Variants in GPR141 observed in about 807,000 individuals in gnomAD.
GPR141 encodes probable G protein-coupled receptor 141.
In GPR141, 6 loss-of-function variants were observed where a neutral mutation model predicts 6.8. The observed-to-expected ratio is 0.88, with a 90% CI of 0.48 to 1.74. The LOEUF (loss-of-function observed/expected upper bound fraction) is 1.74. Among genes scored for constraint, GPR141 ranks in the 40% most tolerant of loss-of-function variants. The pLI is 0.01. For missense variants in GPR141, 372 were observed against 372.9 expected, an observed-to-expected ratio of 1.00 and a Z score of 0.02; for synonymous variants, 140 against 142.3, an observed-to-expected ratio of 0.98 and a Z score of 0.11.
At chr7:37,734,722 C>T (rs1812149043) in intron 2 of GPR141, among the ~76,000 whole-genome samples, 1 of 152,080 alleles carries the variant, frequency 6.6e-6, no homozygotes, top group Non-Finnish European at 1.5e-5. Context: ...GTAGATCTTA[C>T]CTAGTATGGG....
Position 37,685,674 on chromosome 7 carries a change from C to G in GPR141, c.-15+91C>G, listed in dbSNP as rs367857785. The G allele has an allele frequency of 2.6e-5, 4 of 151,498 alleles. No individual in the cohort carries two copies. The East Asian group carries it at 7.7e-4, about 29-fold the overall frequency. 9.4% of individuals were successfully genotyped at this position (151,498 alleles called of 1,614,324 possible). The stretch of plus-strand genomic sequence containing the variant: ...ATGTTGCCCAGGTTAGTCTCAAACT[C>G]CTGGGCACAAGTGATCCTCCTGCCT... On this transcript the variant is annotated intron_variant, in intron 2 of 2. Coordinates refer to ENST00000334425, the MANE Select transcript of GPR141 (RefSeq NM_001381946.1).
At chr7:37,713,332 A>C (rs1192406878) in intron 2 of GPR141, 1 of 152,108 alleles carries the variant, frequency 6.6e-6, no homozygotes, top group Non-Finnish European at 1.5e-5. Flanking sequence ...GTTATTTTTT[A>C]TTTTCTTAGA....
At position 37,740,739 on chromosome 7, in the gene GPR141, ATCT is replaced by A. The variant is rs747035430; in HGVS notation, c.352_354del (p.Phe118del). On this transcript the variant is annotated inframe_deletion, in exon 3 of 3. Coordinates refer to ENST00000334425, the MANE Select transcript of GPR141 (RefSeq NM_001381946.1). ...GGTGATCCTGGTCACCAGATACCTC[ATCT>A]TCTTCAAGTGCAAAGACAAAGTGGA... 29 of 1,613,984 alleles carry A rather than the reference ATCT, an allele frequency of 1.8e-5. No individual in the cohort carries two copies. The highest frequency in any genetic ancestry group is 2.4e-5 in the Non-Finnish European group (28 of 1,180,004).
intron 2 of GPR141, among the ~76,000 whole-genome samples, chr7:37,705,734 G>C (rs2131771305): frequency 6.6e-6 from 1 of 152,238 alleles, no homozygotes; most frequent in South Asian, 2.1e-4. Context: ...AAAATATTTG[G>C]AGAGCAATAA....
intron 2 of GPR141, chr7:37,713,564 C>A (rs1810909901): frequency 6.6e-6 from 1 of 152,186 alleles, no homozygotes; most frequent in African/African-American, 2.4e-5. Flanking sequence ...TGTATAGATT[C>A]TTCTAATTCT....
chr7:37,723,440 G>A (rs768217631), intron 2 of GPR141, among the ~76,000 whole-genome samples: 10 of 152,002 alleles, frequency 6.6e-5, no homozygotes, highest in Admixed American at 2.0e-4. Context: ...TGAATGGCAC[G>A]GAAGATGAGC....
intron 2 of GPR141, among the ~76,000 whole-genome samples, chr7:37,707,256 C>T (rs886715094): frequency 6.6e-6 from 1 of 152,118 alleles, no homozygotes; most frequent in African/African-American, 2.4e-5. Context: ...TAGTTTGTAC[C>T]TTACAAGTAG....
chr7:37,722,550 C>T (rs945553508), intron 2 of GPR141, among the ~76,000 whole-genome samples: 3 of 151,726 alleles, frequency 2.0e-5, no homozygotes, highest in Non-Finnish European at 2.9e-5. Flanking sequence ...GGTGAAACCC[C>T]GTCTCTACTA....
chr7:37,686,949 A>G (rs1809539694), intron 2 of GPR141, among the ~76,000 whole-genome samples: 1 of 152,176 alleles, frequency 6.6e-6, no homozygotes, highest in Non-Finnish European at 1.5e-5. Flanking sequence ...AAGCATTGCC[A>G]TCAGCATCTG....
chr7:37,724,924 AG>A (rs1466845045), intron 2 of GPR141, among the ~76,000 whole-genome samples: 1 of 152,146 alleles, frequency 6.6e-6, no homozygotes, highest in East Asian at 1.9e-4. Flanking sequence ...GCTGTGTCAC[AG>A]GAATAGTCCC....
chr7:37,713,899 A>G (rs1056909877), intron 2 of GPR141, among the ~76,000 whole-genome samples: 5 of 152,224 alleles, frequency 3.3e-5, no homozygotes, highest in African/African-American at 9.6e-5. Flanking sequence ...TGATTGAGCA[A>G]TCCCCATTAT....
chr7:37,685,690 C>A (rs996334770), intron 2 of GPR141, 107 bp downstream of exon 2: 1 of 151,290 alleles, frequency 6.6e-6, no homozygotes, highest in African/African-American at 2.4e-5. Flanking sequence ...CACAAGTGAT[C>A]CTCCTGCCTT....
intron 2 of GPR141, among the ~76,000 whole-genome samples, chr7:37,734,136 GCACTC>G (rs1042192827): frequency 2.0e-5 from 3 of 151,998 alleles, no homozygotes; most frequent in Admixed American, 6.5e-5. Flanking sequence ...TGATGCCACT[GCACTC>G]CAGCCTGGGC....
chr7:37,707,105 A>T (rs1466192371), intron 2 of GPR141, among the ~76,000 whole-genome samples: 1 of 152,106 alleles, frequency 6.6e-6, no homozygotes, highest in African/African-American at 2.4e-5. Context: ...CTGTAGTCAG[A>T]GCCTTGTGGG....
At chr7:37,718,868 C>A (rs1811176405) in intron 2 of GPR141, among the ~76,000 whole-genome samples, 1 of 152,178 alleles carries the variant, frequency 6.6e-6, no homozygotes, top group African/African-American at 2.4e-5. Context: ...TGAATGCACA[C>A]CAGCGACATA....
At chr7:37,722,954 C>CCTTCCTTT (rs1811416547) in intron 2 of GPR141, among the ~76,000 whole-genome samples, 1 of 144,710 alleles carries the variant, frequency 6.9e-6, no homozygotes, top group African/African-American at 2.6e-5. Flanking sequence ...TTCCTTCCTT[C>CCTTCCTTT]CTTCCTTCCT....
intron 2 of GPR141, among the ~76,000 whole-genome samples, chr7:37,714,080 T>C (rs1810935382): frequency 6.6e-6 from 1 of 152,014 alleles, no homozygotes; most frequent in South Asian, 2.1e-4. Flanking sequence ...TATACTTGAG[T>C]TTTTAGATTT....
chr7:37,686,788 A>G (rs555871172), intron 2 of GPR141, among the ~76,000 whole-genome samples: 16 of 152,138 alleles, frequency 1.1e-4, no homozygotes, highest in Non-Finnish European at 2.1e-4. Context: ...GGCCAACTCA[A>G]TATTGCAGTT....
intron 2 of GPR141, among the ~76,000 whole-genome samples, chr7:37,690,394 C>A (rs781409385): frequency 1.3e-5 from 2 of 152,008 alleles, no homozygotes; most frequent in Non-Finnish European, 2.9e-5. Context: ...TCGCAAGATC[C>A]ACTCATTTAA....
Sources: allele counts gnomAD v4.1 joint callset (sites outside exome capture counted in the v4.1 genomes callset), GRCh38; gene constraint gnomAD v4.1.1; transcripts MANE v1.5; gene names NCBI Gene and HGNC (gene_info 2026-07-23, HGNC 2026-07-21).